The following THSD7A variants were observed in gnomAD, a reference collection of about 807,000 sequenced individuals.
THSD7A encodes the protein thrombospondin type-1 domain-containing protein 7A.
Under a neutral mutation model 231.3 loss-of-function variants are expected in THSD7A, and 96 were observed. The ratio of observed to expected loss-of-function variants is 0.41; its 90% CI spans 0.35 to 0.49. The LOEUF (loss-of-function observed/expected upper bound fraction) is 0.49. THSD7A is among the 20% of genes least tolerant of loss of function. The pLI is 0.05. For synonymous variants in THSD7A, 940 were observed against 743.3 expected, an observed-to-expected ratio of 1.26 and a Z score of -4.30; for missense variants, 2,290 against 2,070.2, an observed-to-expected ratio of 1.11 and a Z score of -2.06.
rs547436881 is a variant in THSD7A, at chr7:11,375,609, G to A, written c.*185C>T. On this transcript the variant is annotated 3_prime_UTR_variant, in exon 28 of 28. Coordinates refer to ENST00000423059, the MANE Select transcript of THSD7A (RefSeq NM_015204.3). ...CTATAATTCTCACGGTTGATGGTCT[G>A]TATATAAGTGGTACTGTCTTAAATA... 1 of 537,630 alleles carries A rather than the reference G, an allele frequency of 1.9e-6. No homozygotes were observed. Among genetic ancestry groups the A allele is most frequent in the Admixed American group, 3.4e-5 (1 of 29,556 alleles). The allele number at this position is 537,630 out of a possible 1,614,324, so 33.3% of individuals were successfully genotyped here. A position where few individuals can be genotyped will look rare whatever the true frequency, so the allele number is the denominator to read the frequency against.
At chr7:11,786,769 AAAAAAAAAAAAG>A (rs1224452042) in intron 1 of THSD7A, among the ~76,000 whole-genome samples, 9 of 130,306 alleles carry the variant, frequency 6.9e-5, no homozygotes, top group African/African-American at 2.6e-4. Context: ...TAAAAAAAAA[AAAAAAAAAAAAG>A]AAAAACCAAT....
At chr7:11,605,591 G>A (rs1780707879) in intron 2 of THSD7A, among the ~76,000 whole-genome samples, 1 of 152,024 alleles carries the variant, frequency 6.6e-6, no homozygotes. Flanking sequence ...AAACACTCAA[G>A]CACTCAAAAA....
chr7:11,379,879 A>G (rs930035196), intron 24 of THSD7A, 167 bp from the exon 25 acceptor site: 1 of 686,664 alleles, frequency 1.5e-6, no homozygotes, highest in African/African-American at 1.8e-5. Context: ...CACCTTATGT[A>G]GTGACTCCAG....
At chr7:11,792,029 T>C (rs1010492804) in intron 1 of THSD7A, among the ~76,000 whole-genome samples, 1 of 151,996 alleles carries the variant, frequency 6.6e-6, no homozygotes, top group African/African-American at 2.4e-5. Flanking sequence ...TATGATTTTC[T>C]ACTAGTTATT....
intron 11 of THSD7A, among the ~76,000 whole-genome samples, chr7:11,450,878 C>T (rs1393597163): frequency 2.0e-5 from 3 of 151,954 alleles, no homozygotes; most frequent in Admixed American, 2.0e-4. Context: ...ATGAAAGCTT[C>T]TCAGTGAGAT....
intron 1 of THSD7A, among the ~76,000 whole-genome samples, chr7:11,780,997 C>CAAAAAAAAAAAAAAAAAA (rs58931693): frequency 2.0e-4 from 7 of 34,448 alleles, no homozygotes; most frequent in African/African-American, 3.7e-4. Flanking sequence ...GACTCCGTCT[C>CAAAAAAAAAAAAAAAAAA]AAAAAAAAAA....
chr7:11,706,604 A>C (rs1780774254), intron 1 of THSD7A, among the ~76,000 whole-genome samples: 1 of 140,882 alleles, frequency 7.1e-6, no homozygotes, highest in African/African-American at 2.5e-5. Flanking sequence ...TAGTTTGTAA[A>C]ATTGACTAAA....
At chr7:11,423,130 G>C (rs1332987618) in intron 16 of THSD7A, among the ~76,000 whole-genome samples, 2 of 151,838 alleles carry the variant, frequency 1.3e-5, no homozygotes, top group African/African-American at 2.4e-5. Context: ...CCTATATTAA[G>C]GTCCTCAGAG....
At chr7:11,518,955 C>T (rs1359362276) in intron 6 of THSD7A, among the ~76,000 whole-genome samples, 1 of 152,022 alleles carries the variant, frequency 6.6e-6, no homozygotes, top group East Asian at 1.9e-4. Context: ...TATTTGTTTA[C>T]CAAATTTGAA....
intron 6 of THSD7A, among the ~76,000 whole-genome samples, chr7:11,519,205 G>A (rs1788159667): frequency 6.6e-6 from 1 of 152,058 alleles, no homozygotes. Context: ...AAACACCTGG[G>A]TAATCGCTTT....
intron 1 of THSD7A, among the ~76,000 whole-genome samples, chr7:11,750,336 C>T (rs578017925): frequency 3.9e-5 from 6 of 151,902 alleles, no homozygotes; most frequent in African/African-American, 7.2e-5. Flanking sequence ...AGGACGGTAT[C>T]AGTAACATTA....
chr7:11,445,081 T>C (rs796906505), intron 13 of THSD7A, among the ~76,000 whole-genome samples: 41 of 151,948 alleles, frequency 2.7e-4, no homozygotes, highest in Middle Eastern at 3.4e-3. Context: ...TTCTGAACCA[T>C]ATAATAAAAC....
In THSD7A at chr7:11,643,603, G is replaced by GCACA. The variant is rs71027421; in HGVS notation, c.191-6646_191-6643dup. On this transcript the variant is annotated intron_variant, in intron 1 of 27. Transcript: ENST00000423059. The stretch of plus-strand genomic sequence containing the variant: ...CAACAGATACACCACACGCACGCGC[G>GCACA]CACACACACACACACACACAGATTG... Among the ~76,000 whole-genome samples the GCACA allele has an allele frequency of 4.7e-3, 698 of 149,582 alleles. 2 individuals carry two copies. Among genetic ancestry groups the GCACA allele is most frequent in the East Asian group, 0.036 (184 of 5,080 alleles).
chr7:11,511,911 A>C (rs1787824907), intron 6 of THSD7A, among the ~76,000 whole-genome samples: 1 of 152,230 alleles, frequency 6.6e-6, no homozygotes, highest in Non-Finnish European at 1.5e-5. Context: ...AAGCAATGGC[A>C]ACAAAAGCCA....
intron 4 of THSD7A, among the ~76,000 whole-genome samples, chr7:11,546,199 C>CATGTGT (rs1554335276): frequency 1.5e-3 from 150 of 101,866 alleles, no homozygotes; most frequent in Non-Finnish European, 2.1e-3. Flanking sequence ...GGTGTGGGCG[C>CATGTGT]GCGCTCACAC....
chr7:11,584,108 A>G (rs1791288498), intron 4 of THSD7A, among the ~76,000 whole-genome samples: 1 of 152,114 alleles, frequency 6.6e-6, no homozygotes, highest in Non-Finnish European at 1.5e-5. Context: ...CACTCCTCCT[A>G]GGTTCCCAAA....
chr7:11,648,846 T>C (rs1309865119), intron 1 of THSD7A, among the ~76,000 whole-genome samples: 1 of 151,996 alleles, frequency 6.6e-6, no homozygotes, highest in East Asian at 1.9e-4. Context: ...TCTGGGCCAC[T>C]ATGATCTCAG....
intron 11 of THSD7A, among the ~76,000 whole-genome samples, chr7:11,448,029 T>C (rs553390748): frequency 6.6e-6 from 1 of 152,220 alleles, no homozygotes; most frequent in Admixed American, 6.5e-5. Flanking sequence ...GTTGGAATCA[T>C]TAATGGATAA....
At chr7:11,668,358 C>T (rs1783230437) in intron 1 of THSD7A, among the ~76,000 whole-genome samples, 2 of 151,812 alleles carry the variant, frequency 1.3e-5, no homozygotes, top group South Asian at 2.1e-4. Context: ...GCGGAGGTTG[C>T]AGTGAGCCAA....
Sources: gnomAD v4.1 joint callset for allele counts (sites outside exome capture counted in the v4.1 genomes callset) on GRCh38, gnomAD v4.1.1 for gene constraint, MANE v1.5 for transcripts, NCBI Gene and HGNC (gene_info 2026-07-23, HGNC 2026-07-21) for gene names.